OGDH: variants seen among roughly 807,000 people sequenced by gnomAD.
The protein encoded by OGDH is 2-oxoglutarate dehydrogenase complex component E1.
OGDH carries 38 observed loss-of-function variants against 116.6 expected under a neutral mutation model. That is an observed-to-expected ratio of 0.33 (90% CI 0.25 to 0.43). The LOEUF (loss-of-function observed/expected upper bound fraction) is 0.43, where lower values mean the gene tolerates loss of function less well. Ranked by LOEUF, OGDH falls within the 20% of genes least tolerant of loss-of-function variation. OGDH has a pLI of 1.00. For missense variants in OGDH, 825 were observed against 1,357.2 expected (o/e 0.61, Z 6.16); for synonymous variants, 488 against 533.3 (o/e 0.92, Z 1.17).
At chr7:44,618,688 T>G (rs967023378) in intron 1 of OGDH, among the ~76,000 whole-genome samples, 3 of 152,196 alleles carry the variant, frequency 2.0e-5, no homozygotes, top group Admixed American at 2.0e-4. Context: ...AACAGGCCTG[T>G]GGCACTCCTT....
In OGDH at chr7:44,662,464, C is replaced by CTT. The variant is rs199533460; in HGVS notation, c.518-4257_518-4256dup. On this transcript the variant is annotated intron_variant, in intron 4 of 22. Transcript: ENST00000222673. The stretch of plus-strand genomic sequence containing the variant: ...CCATTTCTTTCTTTTCTTTTCTTTT[C>CTT]TTTTTTTTTTTTTTTTGAGACAGAG... Among the ~76,000 whole-genome samples, 133 of 130,820 alleles carry CTT rather than the reference C, an allele frequency of 1.0e-3. 1 individual carries two copies. The East Asian group carries it at 0.023, about 22-fold the overall frequency. 85.8% of individuals were successfully genotyped at this position (130,820 alleles called of 152,430 possible). A position where few individuals can be genotyped will look rare whatever the true frequency, so the allele number is the denominator to read the frequency against.
rs144158655 is a variant in OGDH, at chr7:44,672,083, T to A, written c.634-1704T>A. 5.8e-3 allele frequency among the ~76,000 whole-genome samples: 878 copies of A among 150,916 alleles called. 10 individuals carry two copies. Among genetic ancestry groups the A allele is most frequent in the African/African-American group, 0.012 (483 of 41,094 alleles). On this transcript the variant is annotated intron_variant, in intron 5 of 22. Transcript: ENST00000222673. ...GACTCCATCTCAAAAATAAATAAAT[T>A]AATTAATTAATTAAAAAAAAAACCT...
intron 2 of OGDH, among the ~76,000 whole-genome samples, chr7:44,639,685 T>C (rs1785842215): frequency 6.6e-6 from 1 of 152,172 alleles, no homozygotes; most frequent in African/African-American, 2.4e-5. Context: ...GAGGGCTTGC[T>C]GTTGTTGGGT....
In OGDH at chr7:44,698,079, C is replaced by A; in HGVS notation, c.2359-113C>A. ...GGAGGGGGAAGGAACTGAACCCTGCCATCAAGAAAAAAGATAACCAGAAAT... is the reference window on the plus strand; with the variant it reads ...GGAGGGGGAAGGAACTGAACCCTGCAATCAAGAAAAAAGATAACCAGAAAT... On this transcript the variant is annotated intron_variant, in intron 17 of 22. Coordinates refer to ENST00000222673, the MANE Select transcript of OGDH (RefSeq NM_002541.4). The A allele has an allele frequency of 3.0e-5, 37 of 1,231,478 alleles. No individual in the cohort carries two copies. The South Asian group carries it at 4.6e-4, about 15-fold the overall frequency. 76.3% of individuals were successfully genotyped at this position (1,231,478 alleles called of 1,614,324 possible).
intron 4 of OGDH, among the ~76,000 whole-genome samples, chr7:44,649,964 TAA>T (rs1210325184): frequency 6.6e-6 from 1 of 152,060 alleles, no homozygotes; most frequent in Non-Finnish European, 1.5e-5. Flanking sequence ...ACCAAGAAAC[TAA>T]AACATACAGA....
At chr7:44,703,100 AT>A (rs1313723151) in intron 20 of OGDH, among the ~76,000 whole-genome samples, 1 of 151,846 alleles carries the variant, frequency 6.6e-6, no homozygotes, top group Non-Finnish European at 1.5e-5. Flanking sequence ...GTTGTGTAGC[AT>A]GTGTCAGAAT....
At chr7:44,643,793 A>T (rs1312422630) in intron 2 of OGDH, among the ~76,000 whole-genome samples, 1 of 152,222 alleles carries the variant, frequency 6.6e-6, no homozygotes, top group East Asian at 1.9e-4. Context: ...GATCTCATAA[A>T]GTTTTGCCTT....
intron 4 of OGDH, among the ~76,000 whole-genome samples, chr7:44,659,572 A>G (rs1786846162): frequency 6.6e-6 from 1 of 152,200 alleles, no homozygotes; most frequent in South Asian, 2.1e-4. Context: ...CTTATTAGCC[A>G]TAGGGCTTTT....
chr7:44,665,859 T>C (rs1787162429), intron 4 of OGDH, among the ~76,000 whole-genome samples: 1 of 152,238 alleles, frequency 6.6e-6, no homozygotes, highest in African/African-American at 2.4e-5. Flanking sequence ...TTTGACAGTC[T>C]TCCTCTTTGA....
intron 2 of OGDH, among the ~76,000 whole-genome samples, chr7:44,643,762 T>C (rs1786051668): frequency 6.6e-6 from 1 of 152,224 alleles, no homozygotes; most frequent in African/African-American, 2.4e-5. Flanking sequence ...GGGTGGCATC[T>C]TGTTAGAAGG....
At chr7:44,680,278 C>T (rs539914804) in intron 9 of OGDH, among the ~76,000 whole-genome samples, 1 of 152,218 alleles carries the variant, frequency 6.6e-6, no homozygotes, top group Admixed American at 6.5e-5. Flanking sequence ...CCTCTTCACC[C>T]TCTCAGTTCT....
chr7:44,689,392 C>CTTTTTTTTTTTTTTTTTTTTTT (rs561058807), intron 10 of OGDH, among the ~76,000 whole-genome samples: 1 of 71,220 alleles, frequency 1.4e-5, no homozygotes, highest in Non-Finnish European at 2.7e-5. Flanking sequence ...ATTTTTTTTT[C>CTTTTTTTTTTTTTTTTTTTTTT]TTTTTTTTTT....
chr7:44,702,075 A>C (rs1423957395), intron 20 of OGDH, among the ~76,000 whole-genome samples: 2 of 151,878 alleles, frequency 1.3e-5, no homozygotes, highest in African/African-American at 4.8e-5. Flanking sequence ...CCGGCACAAA[A>C]AAAAAAAAAA....
chr7:44,679,578 G>A (rs769433382), intron 9 of OGDH, among the ~76,000 whole-genome samples: 5 of 152,212 alleles, frequency 3.3e-5, no homozygotes, highest in Non-Finnish European at 7.3e-5. Flanking sequence ...AGGCCCGTAG[G>A]CTGAGGACAC....
chr7:44,707,574 T>C lies in OGDH; in HGVS notation c.2797-8T>C. 6.2e-7 allele frequency: 1 copy of C among 1,613,536 alleles called. No individual in the cohort carries two copies. Among genetic ancestry groups the C allele is most frequent in the East Asian group, 2.2e-5 (1 of 44,882 alleles). On this transcript the variant is annotated splice_region_variant and splice_polypyrimidine_tract_variant and intron_variant, in intron 21 of 22. Transcript: ENST00000222673. The surrounding 1 kb of genome is among the most constrained non-coding windows in gnomAD (Gnocchi z 5.2). ...CCTCTTTTTGATCTGACCCCTGCTG[T>C]CTCCTAGCTGTCGCCATTCCCCTTT...
intron 9 of OGDH, among the ~76,000 whole-genome samples, chr7:44,679,620 G>T (rs1390628739): frequency 6.6e-6 from 1 of 152,128 alleles, no homozygotes; most frequent in Non-Finnish European, 1.5e-5. Context: ...TATCACCTTG[G>T]CTAGCCACAG....
At chr7:44,648,304 G>A (rs1458755247) in intron 4 of OGDH, among the ~76,000 whole-genome samples, 2 of 152,178 alleles carry the variant, frequency 1.3e-5, no homozygotes, top group East Asian at 1.9e-4. Context: ...TTCCCACAGC[G>A]TCAGGAGGTC....
intron 4 of OGDH, among the ~76,000 whole-genome samples, chr7:44,661,449 TTAATG>T (rs1317135932): frequency 2.6e-5 from 4 of 152,158 alleles, no homozygotes; most frequent in African/African-American, 9.6e-5. Context: ...TCATTTATAT[TTAATG>T]TAATTATTGG....
intron 2 of OGDH, among the ~76,000 whole-genome samples, chr7:44,638,169 C>T (rs1211840628): frequency 6.6e-6 from 1 of 151,370 alleles, no homozygotes; most frequent in Non-Finnish European, 1.5e-5. Flanking sequence ...AGATATTTTC[C>T]TTACGTTATT....
Sources: allele counts gnomAD v4.1 joint callset (sites outside exome capture counted in the v4.1 genomes callset), GRCh38; gene constraint gnomAD v4.1.1; non-coding constraint Gnocchi (gnomAD v3.1); transcripts MANE v1.5; gene names NCBI Gene and HGNC (gene_info 2026-07-23, HGNC 2026-07-21).